CNTN5: variants seen among roughly 807,000 people sequenced by gnomAD.
The protein encoded by CNTN5 is contactin-5.
In CNTN5, 77 loss-of-function variants were observed where a neutral mutation model predicts 129.1. That is an observed-to-expected ratio of 0.60 (90% CI 0.50 to 0.72). CNTN5 has a LOEUF of 0.72. Ranked by LOEUF, CNTN5 falls within the 30% of genes least tolerant of loss-of-function variation. The pLI, the probability that CNTN5 is intolerant of heterozygous loss-of-function variation, is 0.00. For missense variants in CNTN5, 1,478 were observed against 1,328.8 expected (o/e 1.11, Z -1.75); for synonymous variants, 509 against 465.6 (o/e 1.09, Z -1.20).
chr11:99,201,586 C>T (rs1347751440), intron 1 of CNTN5, among the ~76,000 whole-genome samples: 3 of 152,032 alleles, frequency 2.0e-5, no homozygotes, highest in African/African-American at 7.2e-5. Context: ...GATTGCTAAT[C>T]AGGTGACATT....
At chr11:99,716,557 C>T (rs147931398) in intron 3 of CNTN5, among the ~76,000 whole-genome samples, 4 of 152,106 alleles carry the variant, frequency 2.6e-5, no homozygotes, top group Admixed American at 2.6e-4. Context: ...ACACATCCTG[C>T]CTAGTCTCAT....
At chr11:100,154,231 G>A (rs903613673) in intron 13 of CNTN5, among the ~76,000 whole-genome samples, 1 of 152,086 alleles carries the variant, frequency 6.6e-6, no homozygotes, top group African/African-American at 2.4e-5. Flanking sequence ...TTTGTTTGCT[G>A]AGAATGATGG....
At chr11:99,691,598 A>T (rs1220925880) in intron 3 of CNTN5, among the ~76,000 whole-genome samples, 2 of 152,144 alleles carry the variant, frequency 1.3e-5, no homozygotes. Context: ...ATTTGATTGC[A>T]CTGTGGTCTA....
intron 1 of CNTN5, among the ~76,000 whole-genome samples, chr11:99,264,670 T>C (rs1862804062): frequency 6.6e-6 from 1 of 152,118 alleles, no homozygotes; most frequent in Non-Finnish European, 1.5e-5. Flanking sequence ...TCAAGCAATG[T>C]ATGCCTAAAG....
intron 1 of CNTN5, among the ~76,000 whole-genome samples, chr11:99,078,574 G>A (rs539625415): frequency 6.6e-6 from 1 of 152,250 alleles, no homozygotes; most frequent in African/African-American, 2.4e-5. Context: ...TGGTAATGTG[G>A]TGTATATATA....
At chr11:99,442,912 G>C (rs1943896130) in intron 2 of CNTN5, among the ~76,000 whole-genome samples, 1 of 152,160 alleles carries the variant, frequency 6.6e-6, no homozygotes, top group Non-Finnish European at 1.5e-5. Flanking sequence ...GGATCCATGT[G>C]GATGGCACTG....
chr11:99,339,788 GAAAAA>G (rs60995909), intron 2 of CNTN5, among the ~76,000 whole-genome samples: 1 of 140,828 alleles, frequency 7.1e-6, no homozygotes, highest in South Asian at 2.2e-4. Context: ...ACTCAAAAAA[GAAAAA>G]AAAAAAAAAT....
At chr11:99,799,214 C>A (rs1352288477) in intron 3 of CNTN5, among the ~76,000 whole-genome samples, 1 of 151,650 alleles carries the variant, frequency 6.6e-6, no homozygotes, top group Non-Finnish European at 1.5e-5. Context: ...GTCACTTCAC[C>A]TTTTTCTATT....
intron 17 of CNTN5, among the ~76,000 whole-genome samples, chr11:100,256,144 G>C (rs1484089086): frequency 6.6e-6 from 1 of 152,034 alleles, no homozygotes; most frequent in Non-Finnish European, 1.5e-5. Flanking sequence ...TGGCTTATTT[G>C]TTTGTTGAAA....
At chr11:99,920,952 T>C (rs994934630) in intron 7 of CNTN5, among the ~76,000 whole-genome samples, 1 of 152,094 alleles carries the variant, frequency 6.6e-6, no homozygotes, top group Non-Finnish European at 1.5e-5. Context: ...TGGGCCTTTA[T>C]GATAAGATTA....
Position 100,160,206 on chromosome 11 carries a change from A to T in CNTN5, c.1581-30920A>T, listed in dbSNP as rs578197078. Among the ~76,000 whole-genome samples, 4 of 152,038 alleles carry T rather than the reference A, an allele frequency of 2.6e-5. No individual in the cohort carries two copies. The East Asian group carries it at 5.8e-4, about 22-fold the overall frequency. On this transcript the variant is annotated intron_variant, in intron 13 of 24. Coordinates refer to ENST00000524871, the MANE Select transcript of CNTN5 (RefSeq NM_014361.4). ...CTGTTTCTGTGTTTGTTTGCTGAGA[A>T]TGATGGTTTCCAGCATCATCCATGT...
intron 3 of CNTN5, among the ~76,000 whole-genome samples, chr11:99,778,017 A>G (rs920459454): frequency 6.6e-6 from 1 of 151,832 alleles, no homozygotes; most frequent in Non-Finnish European, 1.5e-5. Flanking sequence ...TTATCTCTGA[A>G]TATTTTAGGT....
At chr11:99,996,783 T>G (rs923552468) in intron 8 of CNTN5, among the ~76,000 whole-genome samples, 2 of 152,164 alleles carry the variant, frequency 1.3e-5, no homozygotes, top group Admixed American at 6.6e-5. Flanking sequence ...AGGTACATCT[T>G]ACATGGCAGC....
intron 1 of CNTN5, among the ~76,000 whole-genome samples, chr11:99,054,145 A>C (rs570275507): frequency 2.2e-4 from 33 of 152,104 alleles, no homozygotes; most frequent in South Asian, 1.2e-3. Context: ...GGACTGGGAC[A>C]AACCCTTGAG....
chr11:99,067,950 C>T (rs1037584229), intron 1 of CNTN5, among the ~76,000 whole-genome samples: 2 of 152,130 alleles, frequency 1.3e-5, no homozygotes, highest in East Asian at 1.9e-4. Context: ...ATGCTGTTCT[C>T]GTGATAGTGA....
At chr11:99,834,465 G>T (rs1947240553) in intron 4 of CNTN5, among the ~76,000 whole-genome samples, 1 of 152,162 alleles carries the variant, frequency 6.6e-6, no homozygotes, top group Non-Finnish European at 1.5e-5. Flanking sequence ...GGTTGCGGCT[G>T]CAGTGAGCCA....
At position 99,727,312 on chromosome 11, in the gene CNTN5, C is replaced by CAAAAAAAAAA. The variant is rs397936738; in HGVS notation, c.56-92219_56-92210dup. 3.1e-3 allele frequency among the ~76,000 whole-genome samples: 75 copies of CAAAAAAAAAA among 24,282 alleles called. 6 individuals carry two copies. Among genetic ancestry groups the CAAAAAAAAAA allele is most frequent in the African/African-American group, 8.4e-3 (54 of 6,420 alleles). The allele number at this position is 24,282 out of a possible 152,430, so 15.9% of individuals were successfully genotyped here. A position where few individuals can be genotyped will look rare whatever the true frequency, so the allele number is the denominator to read the frequency against. ...TGGGCGACAGAGCGAGACTCCGTCT[C>CAAAAAAAAAA]AAAAAAAAAAAAAAAAAAAAAATTC... On this transcript the variant is annotated intron_variant, in intron 3 of 24. Transcript: ENST00000524871.
At chr11:99,666,959 C>G (rs546737155) in intron 3 of CNTN5, among the ~76,000 whole-genome samples, 35 of 151,722 alleles carry the variant, frequency 2.3e-4, no homozygotes, top group African/African-American at 8.5e-4. Context: ...ATGTTTATAT[C>G]TCTTTGAATG....
intron 8 of CNTN5, among the ~76,000 whole-genome samples, chr11:99,996,629 A>G (rs951478033): frequency 3.3e-5 from 5 of 152,088 alleles, no homozygotes; most frequent in African/African-American, 1.2e-4. Flanking sequence ...TCAAATATGC[A>G]TGTATTAGTC....
Sources: gnomAD v4.1 joint callset for allele counts (sites outside exome capture counted in the v4.1 genomes callset) on GRCh38, gnomAD v4.1.1 for gene constraint, MANE v1.5 for transcripts, NCBI Gene and HGNC (gene_info 2026-07-23, HGNC 2026-07-21) for gene names.